Variants in TENM2 observed in about 807,000 individuals in gnomAD.
The protein encoded by TENM2 is teneurin-2.
TENM2 carries 52 observed loss-of-function variants against 245.2 expected under a neutral mutation model. The observed-to-expected ratio is 0.21, with a 90% CI of 0.17 to 0.27. The LOEUF is 0.27. TENM2 is among the 10% of genes least tolerant of loss of function. The pLI is 1.00. For synonymous variants in TENM2, 1,363 were observed against 1,438.9 expected, an observed-to-expected ratio of 0.95 and a Z score of 1.19; for missense variants, 3,046 against 3,666.8, an observed-to-expected ratio of 0.83 and a Z score of 4.37.
intron 2 of TENM2, chr5:167,653,314 G>A (rs1462539429): frequency 1.3e-5 from 2 of 152,044 alleles, no homozygotes; most frequent in African/African-American, 4.8e-5. Context: ...GAATGCAAGG[G>A]TGAAATCACA....
chr5:167,376,383 G>A (rs889370867), intron 2 of TENM2, among the ~76,000 whole-genome samples: 1 of 152,142 alleles, frequency 6.6e-6, no homozygotes, highest in Non-Finnish European at 1.5e-5. Context: ...TTTACAAATA[G>A]ATCAGTTAAG....
At chr5:167,869,859 C>T (rs1772666719) in intron 2 of TENM2, among the ~76,000 whole-genome samples, 1 of 151,974 alleles carries the variant, frequency 6.6e-6, no homozygotes, top group African/African-American at 2.4e-5. Flanking sequence ...TCATTAAATG[C>T]AAACAAAAGG....
At chr5:167,983,008 C>G (rs541774537) in intron 4 of TENM2, among the ~76,000 whole-genome samples, 2 of 152,170 alleles carry the variant, frequency 1.3e-5, no homozygotes, top group East Asian at 3.9e-4. Context: ...AAATTTAAGT[C>G]CATTCGAAAT....
chr5:167,609,503 A>AC (rs1777309933), intron 2 of TENM2, among the ~76,000 whole-genome samples: 1 of 145,176 alleles, frequency 6.9e-6, no homozygotes, highest in Admixed American at 7.0e-5. Context: ...AAAAAAAAAA[A>AC]AAAAAAAAAC....
chr5:168,254,481 G>C (rs776559167), intron 27 of TENM2, among the ~76,000 whole-genome samples: 1 of 150,022 alleles, frequency 6.7e-6, no homozygotes, highest in Non-Finnish European at 1.5e-5. Context: ...AGGAAGAAGG[G>C]GAGGAAGAGG....
the TENM2 span, among the ~76,000 whole-genome samples, chr5:167,232,222 A>AGCC: frequency 6.6e-6 from 1 of 151,862 alleles, no homozygotes; most frequent in African/African-American, 2.4e-5. Flanking sequence ...GGCACTGCCT[A>AGCC]GTGGAGCTGT....
chr5:167,550,494 G>A (rs1772855466), intron 2 of TENM2, among the ~76,000 whole-genome samples: 1 of 152,092 alleles, frequency 6.6e-6, no homozygotes, highest in South Asian at 2.1e-4. Context: ...GAGGGAGAAA[G>A]AGGAATCTCA....
chr5:167,609,937 G>A (rs1777360713), intron 2 of TENM2, among the ~76,000 whole-genome samples: 1 of 151,898 alleles, frequency 6.6e-6, no homozygotes, highest in Non-Finnish European at 1.5e-5. Flanking sequence ...GATCCCACAG[G>A]TTAAGGGCTC....
At chr5:167,383,567 G>A (rs749205532) in intron 2 of TENM2, among the ~76,000 whole-genome samples, 9 of 151,684 alleles carry the variant, frequency 5.9e-5, no homozygotes, top group East Asian at 1.9e-4. Context: ...CCCAACTTTC[G>A]TCTTTCCCCC....
chr5:167,451,674 A>ATT, intron 2 of TENM2, among the ~76,000 whole-genome samples: 1 of 149,522 alleles, frequency 6.7e-6, no homozygotes, highest in South Asian at 2.1e-4. Context: ...CTTGAGACGG[A>ATT]GTCTCGCTCT....
At chr5:167,492,531 A>C (rs1768498932) in intron 2 of TENM2, among the ~76,000 whole-genome samples, 1 of 152,146 alleles carries the variant, frequency 6.6e-6, no homozygotes, top group Non-Finnish European at 1.5e-5. Context: ...AATTTCTTTT[A>C]TATTTAGGCT....
At chr5:168,097,456 G>T (rs183811992) in intron 8 of TENM2, among the ~76,000 whole-genome samples, 1 of 151,928 alleles carries the variant, frequency 6.6e-6, no homozygotes, top group African/African-American at 2.4e-5. Context: ...ATTGAGTCTC[G>T]CTCTGTCACC....
chr5:167,633,660 CCT>C (rs1321022659), intron 2 of TENM2, among the ~76,000 whole-genome samples: 1 of 152,072 alleles, frequency 6.6e-6, no homozygotes, highest in East Asian at 1.9e-4. Context: ...TAGTTGTAGC[CCT>C]CTTTTCCCTT....
Position 168,218,938 on chromosome 5 carries a change from G to C in TENM2, c.5047G>C (p.Asp1683His). 1 of 1,614,006 alleles carries C rather than the reference G, an allele frequency of 6.2e-7. No individual in the cohort carries two copies. Among genetic ancestry groups the C allele is most frequent in the Non-Finnish European group, 8.5e-7 (1 of 1,179,904 alleles). Residue 1683 changes from aspartate (D) to histidine (H), a missense_variant, in exon 23 of 29, where the codon GAT becomes CAT. By Grantham distance (81) the Asp-to-His change is moderately conservative. This residue lies in a region of TENM2 where 2,704 missense variants were observed against 3,331.9 expected (regional missense o/e 0.81). Coordinates refer to ENST00000518659, the Ensembl canonical transcript of TENM2. The surrounding 1 kb of genome is among the most constrained non-coding windows in gnomAD (Gnocchi z 5.2). ...CCTGGAGCTTGGTCTCATGACCTAT[G>C]ATGGCAACACTGGGCTCCTGGCCAC...
At chr5:168,145,788 G>C (rs1228844109) in intron 12 of TENM2, among the ~76,000 whole-genome samples, 1 of 149,704 alleles carries the variant, frequency 6.7e-6, no homozygotes, top group East Asian at 2.0e-4. Flanking sequence ...CCATTTTCAC[G>C]ATATTGATTC....
intron 2 of TENM2, among the ~76,000 whole-genome samples, chr5:167,420,026 T>C (rs555812474): frequency 6.6e-6 from 1 of 152,246 alleles, no homozygotes; most frequent in South Asian, 2.1e-4. Context: ...ATAATTAAAA[T>C]AATAAACGAA....
At chr5:168,153,334 C>G (rs1347677918) in intron 12 of TENM2, among the ~76,000 whole-genome samples, 1 of 152,098 alleles carries the variant, frequency 6.6e-6, no homozygotes, top group Admixed American at 6.5e-5. Context: ...AAAGTGCGGC[C>G]CAGTTAAGAC....
At chr5:168,206,628 C>T (rs928863737) in intron 19 of TENM2, among the ~76,000 whole-genome samples, 94 of 152,260 alleles carry the variant, frequency 6.2e-4, no homozygotes, top group African/African-American at 2.2e-3. Flanking sequence ...GCCAAACTGG[C>T]GATCAGACAA....
chr5:168,181,994 A>G (rs1487394530), intron 13 of TENM2, among the ~76,000 whole-genome samples: 1 of 152,086 alleles, frequency 6.6e-6, no homozygotes, highest in African/African-American at 2.4e-5. Context: ...ACTTCTTGCA[A>G]TATTTGAGAA....
Sources: allele counts gnomAD v4.1 joint callset (sites outside exome capture counted in the v4.1 genomes callset), GRCh38; gene constraint gnomAD v4.1.1; regional missense constraint gnomAD v4.1.1; non-coding constraint Gnocchi (gnomAD v3.1); transcripts MANE v1.5; gene names NCBI Gene and HGNC (gene_info 2026-07-23, HGNC 2026-07-21).